PPFIBP2: variants seen among roughly 807,000 people sequenced by gnomAD.
PPFIBP2 encodes liprin-beta-2.
A neutral mutation model predicts 118.3 loss-of-function variants in PPFIBP2; 118 were observed. The observed-to-expected ratio is 1.00, with a 90% CI of 0.86 to 1.16. PPFIBP2 has a LOEUF of 1.16. PPFIBP2 is among the 50% of genes most tolerant of loss of function. PPFIBP2 has a pLI of 0.00. For missense variants in PPFIBP2, 1,195 were observed against 1,073.1 expected (o/e 1.11, Z -1.59); for synonymous variants, 414 against 397.4 (o/e 1.04, Z -0.50).
chr11:7,597,252 A>G, intron 4 of PPFIBP2: 1 of 1,533,592 alleles, frequency 6.5e-7, no homozygotes, highest in Middle Eastern at 1.7e-4. Flanking sequence ...GAAGAGGAAT[A>G]AGGAGCAGGA....
chr11:7,541,958 A>G (rs1425757527), intron 1 of PPFIBP2, among the ~76,000 whole-genome samples: 1 of 152,192 alleles, frequency 6.6e-6, no homozygotes, highest in East Asian at 1.9e-4. Flanking sequence ...AAGGTATATC[A>G]GGAATTAGAA....
chr11:7,615,885 A>G (rs1848582263), intron 6 of PPFIBP2, among the ~76,000 whole-genome samples: 1 of 152,230 alleles, frequency 6.6e-6, no homozygotes, highest in Admixed American at 6.5e-5. Flanking sequence ...ATGGATGGGG[A>G]ACTGTCGAAT....
chr11:7,538,831 T>G (rs139237876), intron 1 of PPFIBP2, among the ~76,000 whole-genome samples: 148 of 152,258 alleles, frequency 9.7e-4, no homozygotes, highest in South Asian at 3.9e-3. Flanking sequence ...AGCCTGTGTC[T>G]AGATTCAGGG....
At chr11:7,602,087 CAAAAA>C (rs201003988) in intron 5 of PPFIBP2, among the ~76,000 whole-genome samples, 3 of 56,184 alleles carry the variant, frequency 5.3e-5, no homozygotes, top group South Asian at 7.7e-4. Flanking sequence ...GAATGAAACT[CAAAAA>C]AAAAAAAAAA....
At chr11:7,657,184 A>C (rs1157282378), downstream of PPFIBP2, 3 of 213,760 alleles carry the variant, frequency 1.4e-5, no homozygotes, top group African/African-American at 6.8e-5. Context: ...TGCTGGAAAA[A>C]AAGTTCCGAA....
At chr11:7,549,607 TA>T in intron 2 of PPFIBP2, 68 bp downstream of exon 2, 5 of 1,335,530 alleles carry the variant, frequency 3.7e-6, no homozygotes, top group South Asian at 1.6e-5. Context: ...TCTCTCCTTT[TA>T]CTTTTTTTTT....
the PPFIBP2 span, chr11:7,665,321 TA>T: frequency 7.1e-7 from 1 of 1,398,770 alleles, no homozygotes; most frequent in Non-Finnish European, 9.6e-7. Context: ...AAATTGAACT[TA>T]CTCTGAAACA....
chr11:7,582,208 C>G (rs1297122963), intron 3 of PPFIBP2, among the ~76,000 whole-genome samples: 1 of 152,150 alleles, frequency 6.6e-6, no homozygotes, highest in Non-Finnish European at 1.5e-5. Context: ...TGACATCGAT[C>G]AGAACTGACA....
the PPFIBP2 span, among the ~76,000 whole-genome samples, chr11:7,663,347 TGTTA>T: frequency 3.4e-4 from 52 of 151,342 alleles, 1 homozygote; most frequent in Non-Finnish European, 7.4e-5. Context: ...CCTTTCTGTT[TGTTA>T]GTTTTCCTTC....
chr11:7,587,383 G>C (rs1397385767), intron 3 of PPFIBP2, among the ~76,000 whole-genome samples: 1 of 152,222 alleles, frequency 6.6e-6, no homozygotes, highest in Non-Finnish European at 1.5e-5. Flanking sequence ...TTGCAATTCA[G>C]AACTATATCC....
At chr11:7,635,983 G>T (rs371348729) in intron 14 of PPFIBP2, among the ~76,000 whole-genome samples, 7 of 152,094 alleles carry the variant, frequency 4.6e-5, no homozygotes, top group Admixed American at 3.9e-4. Context: ...ACTCAGTCCC[G>T]CTTTGATGAA....
At chr11:7,666,660 G>C in the PPFIBP2 span, 2 of 674,206 alleles carry the variant, frequency 3.0e-6, no homozygotes, top group East Asian at 2.8e-5. Context: ...ACTCCAGCTG[G>C]AGTGCTCGCT....
intron 1 of PPFIBP2, among the ~76,000 whole-genome samples, chr11:7,538,843 C>T (rs1007293528): frequency 6.6e-6 from 1 of 152,066 alleles, no homozygotes; most frequent in Non-Finnish European, 1.5e-5. Context: ...GATTCAGGGC[C>T]CTTTCTGCAG....
downstream of PPFIBP2, chr11:7,655,449 G>T (rs1247937441): frequency 7.8e-7 from 1 of 1,289,794 alleles, no homozygotes; most frequent in South Asian, 1.2e-5. Flanking sequence ...CCTTCGGAAG[G>T]TACCGTGACG....
At chr11:7,657,004 G>GCGCTCTTCAC (rs1750865344), downstream of PPFIBP2, 1 of 358,818 alleles carries the variant, frequency 2.8e-6, no homozygotes, top group Admixed American at 3.7e-5. Context: ...CAACCATGCT[G>GCGCTCTTCAC]CGCTCTTCAC....
chr11:7,559,387 A>G (rs1489399884), intron 2 of PPFIBP2, among the ~76,000 whole-genome samples: 1 of 152,000 alleles, frequency 6.6e-6, no homozygotes, highest in Non-Finnish European at 1.5e-5. Flanking sequence ...TAATTGTGGG[A>G]AATGTGTGTG....
chr11:7,525,425 A>T (rs929910540), intron 1 of PPFIBP2, among the ~76,000 whole-genome samples: 1 of 150,994 alleles, frequency 6.6e-6, no homozygotes, highest in East Asian at 1.9e-4. Flanking sequence ...GAAATCATTT[A>T]TCAAGAGATA....
chr11:7,562,135 G>A (rs999530798), intron 2 of PPFIBP2, among the ~76,000 whole-genome samples: 2 of 152,186 alleles, frequency 1.3e-5, no homozygotes, highest in East Asian at 1.9e-4. Flanking sequence ...GACAGGAGGC[G>A]GAGCTCAGGC....
intron 2 of PPFIBP2, among the ~76,000 whole-genome samples, chr11:7,550,550 G>C (rs146977593): frequency 5.3e-5 from 8 of 152,296 alleles, no homozygotes; most frequent in African/African-American, 1.4e-4. Context: ...GCTATCATCT[G>C]TCTGCTTCTC....
Sources: gnomAD v4.1 joint callset for allele counts (sites outside exome capture counted in the v4.1 genomes callset) on GRCh38, gnomAD v4.1.1 for gene constraint, MANE v1.5 for transcripts, NCBI Gene and HGNC (gene_info 2026-07-23, HGNC 2026-07-21) for gene names.